SRD5A2: variants seen among roughly 807,000 people sequenced by gnomAD.
The protein encoded by SRD5A2 is 3-oxo-5-alpha-steroid 4-dehydrogenase 2.
A neutral mutation model predicts 27.4 loss-of-function variants in SRD5A2; 30 were observed. The observed-to-expected ratio is 1.10, with a 90% CI of 0.82 to 1.49. SRD5A2 has a LOEUF of 1.49. SRD5A2 is among the 40% of genes most tolerant of loss of function. SRD5A2 has a pLI of 0.00. For synonymous variants in SRD5A2, 141 were observed against 133.6 expected (o/e 1.06, Z -0.38); for missense variants, 348 against 323.4 (o/e 1.08, Z -0.58).
intron 1 of SRD5A2, among the ~76,000 whole-genome samples, chr2:31,549,258 G>T (rs990585276): frequency 6.6e-6 from 1 of 151,672 alleles, no homozygotes; most frequent in African/African-American, 2.4e-5. Flanking sequence ...GACTATAGGT[G>T]CCCACCACCA....
chr2:31,587,845 A>G, the SRD5A2 span, among the ~76,000 whole-genome samples: 1 of 152,162 alleles, frequency 6.6e-6, no homozygotes, highest in Non-Finnish European at 1.5e-5. Flanking sequence ...GCAAACTACC[A>G]TGGCACATGT....
intron 1 of SRD5A2, among the ~76,000 whole-genome samples, chr2:31,562,718 G>A (rs752068091): frequency 4.6e-5 from 7 of 152,056 alleles, no homozygotes; most frequent in Admixed American, 1.3e-4. Flanking sequence ...ACTACCTATT[G>A]GGTACTATGT....
the SRD5A2 span, among the ~76,000 whole-genome samples, chr2:31,628,879 CT>C: frequency 1.3e-5 from 2 of 152,206 alleles, no homozygotes; most frequent in East Asian, 1.9e-4. Context: ...AACATTCTTT[CT>C]TTCATTTTGA....
Position 31,523,232 on chromosome 2 carries a change from A to G in SRD5A2, c.*2964T>C, listed in dbSNP as rs1665697734. The G allele has an allele frequency of 4.6e-6, 1 of 216,000 alleles. No homozygotes were observed. Among genetic ancestry groups the G allele is most frequent in the African/African-American group, 2.3e-5 (1 of 44,378 alleles). The allele number at this position is 216,000 out of a possible 1,614,324, so 13.4% of individuals were successfully genotyped here. ...CTGTCAAATAGGTTTATGAAAGGGCATGAGCCTGGTGCTCCCACGGAGCGA... is the reference window on the plus strand; with the variant it reads ...CTGTCAAATAGGTTTATGAAAGGGCGTGAGCCTGGTGCTCCCACGGAGCGA... On this transcript the variant is annotated 3_prime_UTR_variant, in exon 5 of 5. Transcript: ENST00000622030.
At chr2:31,625,316 T>C in the SRD5A2 span, among the ~76,000 whole-genome samples, 1 of 152,236 alleles carries the variant, frequency 6.6e-6, no homozygotes. Flanking sequence ...AGGTTGCCTG[T>C]CCACTCTGAT....
At chr2:31,566,692 T>A (rs1666736048) in intron 1 of SRD5A2, among the ~76,000 whole-genome samples, 1 of 152,154 alleles carries the variant, frequency 6.6e-6, no homozygotes, top group Non-Finnish European at 1.5e-5. Context: ...GTGGGGGAGA[T>A]CTCACACACG....
In SRD5A2 at chr2:31,526,786, C is replaced by A. The variant is rs184076499; in HGVS notation, c.699-524G>T. Among the ~76,000 whole-genome samples, 20 of 152,144 alleles carry A rather than the reference C, an allele frequency of 1.3e-4. No homozygotes were observed. The East Asian group carries it at 3.7e-3, about 28-fold the overall frequency. On this transcript the variant is annotated intron_variant, in intron 4 of 4. Transcript: ENST00000622030. ...AAAGATATGTTGAAGTCCTAACCCCCAGTAACTGAGAGGGTAATTTTTTTT... is the reference window on the plus strand; with the variant it reads ...AAAGATATGTTGAAGTCCTAACCCCAAGTAACTGAGAGGGTAATTTTTTTT...
the SRD5A2 span, among the ~76,000 whole-genome samples, chr2:31,625,896 A>G: frequency 6.6e-6 from 1 of 152,146 alleles, no homozygotes; most frequent in African/African-American, 2.4e-5. Context: ...AATTCTGTGA[A>G]GAAAGTCATT....
chr2:31,523,858 A>C lies in SRD5A2; in HGVS notation c.*2338T>G, dbSNP rs1207754247. On this transcript the variant is annotated 3_prime_UTR_variant, in exon 5 of 5. Transcript: ENST00000622030. ...CTAAACAATGACAAACTGTCATTGA[A>C]CACAACAGCCCTAGAACACTGAGAA... The C allele has an allele frequency of 9.1e-6, 2 of 219,676 alleles. No homozygotes were observed. Among genetic ancestry groups the C allele is most frequent in the Admixed American group, 1.2e-4 (2 of 17,308 alleles). 13.6% of individuals were successfully genotyped at this position (219,676 alleles called of 1,614,324 possible).
intron 1 of SRD5A2, among the ~76,000 whole-genome samples, chr2:31,549,650 A>C (rs1666344494): frequency 6.6e-6 from 1 of 152,234 alleles, no homozygotes; most frequent in Non-Finnish European, 1.5e-5. Flanking sequence ...AGAGAGGGAC[A>C]TTATATAATG....
the SRD5A2 span, among the ~76,000 whole-genome samples, chr2:31,612,884 T>C: frequency 6.6e-6 from 1 of 152,306 alleles, no homozygotes; most frequent in Admixed American, 6.5e-5. Context: ...GTTAATTGAT[T>C]TTCAACAAAG....
chr2:31,590,405 T>C, the SRD5A2 span, among the ~76,000 whole-genome samples: 1,349 of 152,240 alleles, frequency 8.9e-3, 13 homozygotes, highest in African/African-American at 0.024. Context: ...CCCTTGTAAG[T>C]AGGATTCCTA....
chr2:31,624,084 G>A, the SRD5A2 span, among the ~76,000 whole-genome samples: 1 of 151,782 alleles, frequency 6.6e-6, no homozygotes, highest in African/African-American at 2.4e-5. Context: ...TGCTGTTTTT[G>A]TTTTTAATTT....
intron 1 of SRD5A2, among the ~76,000 whole-genome samples, chr2:31,556,642 G>A (rs546366202): frequency 2.0e-5 from 3 of 152,318 alleles, no homozygotes; most frequent in Admixed American, 2.0e-4. Flanking sequence ...GAAGCTGAAA[G>A]AGGAAAGGAG....
intron 4 of SRD5A2, chr2:31,527,590 CCAAG>C (rs1665810845): frequency 6.6e-6 from 1 of 152,208 alleles, no homozygotes; most frequent in Admixed American, 6.5e-5. Flanking sequence ...CCTCCCCTAA[CCAAG>C]CACAGTAGAG....
At chr2:31,558,065 A>C (rs1169406426) in intron 1 of SRD5A2, among the ~76,000 whole-genome samples, 1 of 152,172 alleles carries the variant, frequency 6.6e-6, no homozygotes, top group Non-Finnish European at 1.5e-5. Flanking sequence ...CATTTTCTTC[A>C]ATGGAAATCT....
chr2:31,537,683 G>C (rs939646392), intron 1 of SRD5A2, among the ~76,000 whole-genome samples: 1 of 152,026 alleles, frequency 6.6e-6, no homozygotes, highest in Non-Finnish European at 1.5e-5. Flanking sequence ...ATCACATCTA[G>C]ACATATCATT....
At position 31,531,362 on chromosome 2, in the gene SRD5A2, A is replaced by C; in HGVS notation, c.547+9T>G. The stretch of plus-strand genomic sequence containing the variant: ...AAGAGTGAGAGTCTGGGGGCAGGGG[A>C]GACATTACCTTGTGGAATCCTGTAG... On this transcript the variant is annotated intron_variant, in intron 3 of 4. Coordinates refer to ENST00000622030, the MANE Select transcript of SRD5A2 (RefSeq NM_000348.4). 6.4e-7 allele frequency: 1 copy of C among 1,560,892 alleles called. No homozygotes were observed. Among genetic ancestry groups the C allele is most frequent in the Non-Finnish European group, 8.7e-7 (1 of 1,148,308 alleles).
the SRD5A2 span, among the ~76,000 whole-genome samples, chr2:31,654,129 C>CA: frequency 6.7e-6 from 1 of 148,758 alleles, no homozygotes; most frequent in East Asian, 1.9e-4. Flanking sequence ...AATGTGCCAG[C>CA]AAAAACATAC....
Sources: allele counts gnomAD v4.1 joint callset (sites outside exome capture counted in the v4.1 genomes callset), GRCh38; gene constraint gnomAD v4.1.1; transcripts MANE v1.5; gene names NCBI Gene and HGNC (gene_info 2026-07-23, HGNC 2026-07-21).